Variants in PLCG2 observed in about 807,000 individuals in gnomAD.
PLCG2 encodes the protein phospholipase C gamma 2.
Under a neutral mutation model 175.6 loss-of-function variants are expected in PLCG2, and 69 were observed. The observed-to-expected ratio is 0.39, with a 90% CI of 0.32 to 0.48. The LOEUF (loss-of-function observed/expected upper bound fraction) is 0.48, where lower values mean the gene tolerates loss of function less well. Ranked by LOEUF, PLCG2 falls within the 20% of genes least tolerant of loss-of-function variation. PLCG2 has a pLI of 0.91. For missense variants in PLCG2, 1,798 were observed against 1,650.9 expected, an observed-to-expected ratio of 1.09 and a Z score of -1.54; for synonymous variants, 827 against 624.0, an observed-to-expected ratio of 1.33 and a Z score of -4.85.
At chr16:81,942,788 C>A (rs939509243) in intron 30 of PLCG2, among the ~76,000 whole-genome samples, 1 of 152,284 alleles carries the variant, frequency 6.6e-6, no homozygotes, top group South Asian at 2.1e-4. Context: ...TTTCGAACCC[C>A]GTGTTCCTCC....
chr16:81,778,506 G>C (rs951708143), upstream of PLCG2, among the ~76,000 whole-genome samples: 1 of 152,204 alleles, frequency 6.6e-6, no homozygotes, highest in Non-Finnish European at 1.5e-5. Context: ...GTTTGAATCA[G>C]ATAGCTTCAT....
At chr16:81,915,979 C>G (rs925587921) in intron 19 of PLCG2, among the ~76,000 whole-genome samples, 3 of 152,096 alleles carry the variant, frequency 2.0e-5, no homozygotes, top group African/African-American at 7.2e-5. Flanking sequence ...GTGTGTCCAT[C>G]CAGACATTTA....
At chr16:81,919,411 C>T (rs776472518) in intron 19 of PLCG2, 73 bp from the exon 20 acceptor site, 5 of 1,177,648 alleles carry the variant, frequency 4.2e-6, no homozygotes, top group Non-Finnish European at 6.3e-6. Flanking sequence ...TGTATCTAAT[C>T]AGTAGGGTTT....
Position 81,933,896 on chromosome 16 carries a change from T to G in PLCG2, c.2740-533T>G, listed in dbSNP as rs187225832. Among the ~76,000 whole-genome samples the G allele has an allele frequency of 1.2e-4, 18 of 152,284 alleles. No individual in the cohort carries two copies. The East Asian group carries it at 3.5e-3, about 29-fold the overall frequency. On this transcript the variant is annotated intron_variant, in intron 25 of 32. Coordinates refer to ENST00000564138, the MANE Select transcript of PLCG2 (RefSeq NM_002661.5). Reference sequence around the variant, plus strand: ...TGATGGTGGGTCTTCTGAAGGGAGGTACCTCCTGAGTCCATGGCACATGGC... The same window carrying G: ...TGATGGTGGGTCTTCTGAAGGGAGGGACCTCCTGAGTCCATGGCACATGGC...
intron 2 of PLCG2, among the ~76,000 whole-genome samples, chr16:81,768,552 GTT>G (rs769292122): frequency 9.5e-6 from 1 of 105,424 alleles, no homozygotes; most frequent in African/African-American, 4.1e-5. Context: ...GTTATCCTCA[GTT>G]TTTTTTTTTT....
At chr16:81,804,587 T>C (rs974963186) in intron 2 of PLCG2, among the ~76,000 whole-genome samples, 2 of 152,226 alleles carry the variant, frequency 1.3e-5, no homozygotes, top group Non-Finnish European at 2.9e-5. Flanking sequence ...TTTTTGAAGT[T>C]AGTAACCTGT....
Position 81,847,842 on chromosome 16 carries a change from C to A in PLCG2, c.194-6602C>A, listed in dbSNP as rs150998471. Among the ~76,000 whole-genome samples, 1,127 of 152,192 alleles carry A rather than the reference C, an allele frequency of 7.4e-3. 15 individuals are homozygous for A. Among genetic ancestry groups the A allele is most frequent in the African/African-American group, 0.026 (1,059 of 41,526 alleles). ...GCATAGGCTGTATGCAAATTCTCTGCCATTTTTTATCAGAGGCTTGAGCAT... is the reference window on the plus strand; with the variant it reads ...GCATAGGCTGTATGCAAATTCTCTGACATTTTTTATCAGAGGCTTGAGCAT... On this transcript the variant is annotated intron_variant, in intron 2 of 32. Transcript: ENST00000564138.
intron 2 of PLCG2, among the ~76,000 whole-genome samples, chr16:81,811,840 G>A (rs1422654617): frequency 6.6e-6 from 1 of 152,124 alleles, no homozygotes; most frequent in African/African-American, 2.4e-5. Context: ...ATGTGTGCAT[G>A]TGTCTTTATA....
At chr16:81,833,125 G>A (rs1039125562) in intron 2 of PLCG2, among the ~76,000 whole-genome samples, 2 of 152,096 alleles carry the variant, frequency 1.3e-5, no homozygotes, top group Admixed American at 6.5e-5. Context: ...CCACCTCGCA[G>A]AACCCATTCC....
Position 81,854,576 on chromosome 16 carries a change from T to C in PLCG2, c.326T>C (p.Leu109Pro), listed in dbSNP as rs1221783075. Reference protein sequence around the residue: ...LYGTQFVLSTLSLAADSKEDA... With the variant: ...LYGTQFVLSTPSLAADSKEDA... ...GGCACTCAGTTCGTCCTCAGCACGC[T>C]CAGCTTGGCAGGTAGGTGCATGTTT... Residue 109 changes from leucine (L) to proline (P), a missense_variant, in exon 3 of 33, where the codon CTC becomes CCC. Transcript: ENST00000564138. 1 of 1,613,730 alleles carries C rather than the reference T, an allele frequency of 6.2e-7. No individual in the cohort carries two copies. Among genetic ancestry groups the C allele is most frequent in the Admixed American group, 1.7e-5 (1 of 59,986 alleles).
intron 22 of PLCG2, 52 bp from the exon 23 acceptor site, chr16:81,927,030 G>A (rs371528206): frequency 1.7e-6 from 2 of 1,190,938 alleles, no homozygotes; most frequent in African/African-American, 3.0e-5. Flanking sequence ...GCAGTAGTGG[G>A]TAATTCATGC....
intron 8 of PLCG2, among the ~76,000 whole-genome samples, chr16:81,881,953 T>C (rs1908102792): frequency 6.6e-6 from 1 of 152,102 alleles, no homozygotes; most frequent in South Asian, 2.1e-4. Context: ...TGCCCAGCCA[T>C]AATTTCTATG....
chr16:81,760,822 T>C (rs1910026813), intron 2 of PLCG2, among the ~76,000 whole-genome samples: 1 of 151,908 alleles, frequency 6.6e-6, no homozygotes, highest in Non-Finnish European at 1.5e-5. Flanking sequence ...CCCAGCACTT[T>C]GGTAGGCTAA....
chr16:81,876,639 A>G (rs1270087570), intron 7 of PLCG2, among the ~76,000 whole-genome samples: 1 of 152,200 alleles, frequency 6.6e-6, no homozygotes, highest in Non-Finnish European at 1.5e-5. Flanking sequence ...TCACTCATCC[A>G]GTAAATGTGT....
intron 2 of PLCG2, among the ~76,000 whole-genome samples, chr16:81,774,211 G>A (rs1297475286): frequency 2.1e-5 from 3 of 143,350 alleles, no homozygotes; most frequent in African/African-American, 7.7e-5. Context: ...AAAGCCAGGC[G>A]TGGTGATGCA....
chr16:81,747,876 T>A (rs759563563), intron 1 of PLCG2, among the ~76,000 whole-genome samples: 7 of 152,064 alleles, frequency 4.6e-5, no homozygotes, highest in Non-Finnish European at 1.0e-4. Context: ...GTTAAATGAA[T>A]GACTTTTTTT....
chr16:81,804,486 A>G (rs1048123854), intron 2 of PLCG2, among the ~76,000 whole-genome samples: 1 of 152,236 alleles, frequency 6.6e-6, no homozygotes, highest in Non-Finnish European at 1.5e-5. Flanking sequence ...GGGCATGGAC[A>G]CTGATTGGCA....
At chr16:81,742,514 G>C (rs2143045626) in intron 1 of PLCG2, among the ~76,000 whole-genome samples, 1 of 152,298 alleles carries the variant, frequency 6.6e-6, no homozygotes, top group African/African-American at 2.4e-5. Flanking sequence ...TGACTTGGCA[G>C]AGTCTTAGTC....
intron 8 of PLCG2, among the ~76,000 whole-genome samples, chr16:81,882,664 C>G (rs541846783): frequency 5.9e-5 from 9 of 152,224 alleles, no homozygotes; most frequent in Admixed American, 3.9e-4. Context: ...CCCCTCCCTT[C>G]TCTTTTTTCC....
Sources: gnomAD v4.1 joint callset for allele counts (sites outside exome capture counted in the v4.1 genomes callset) on GRCh38, gnomAD v4.1.1 for gene constraint, MANE v1.5 for transcripts, NCBI Gene and HGNC (gene_info 2026-07-23, HGNC 2026-07-21) for gene names.